The following KCNQ1OT1 variants were observed in gnomAD, a reference collection of about 807,000 sequenced individuals.
KCNQ1OT1 encodes KCNQ1 opposite strand/antisense transcript 1.
At position 2,653,840 on chromosome 11, in the gene KCNQ1OT1, C is replaced by T. The variant is rs950865898; in HGVS notation, n.46155G>A. 4.5e-5 allele frequency: 18 copies of T among 398,478 alleles called. No individual in the cohort carries two copies. The highest frequency in any genetic ancestry group is 6.6e-5 in the Non-Finnish European group (15 of 226,088). 24.7% of individuals were successfully genotyped at this position (398,478 alleles called of 1,614,324 possible). A position where few individuals can be genotyped will look rare whatever the true frequency, so the allele number is the denominator to read the frequency against. ...TCCACAGGGACCCCTTTGGGGATGG[C>T]CAGAGGGTACCTAAACACTGCACAC... On this transcript the variant is annotated non_coding_transcript_exon_variant, in exon 1 of 1. Transcript: ENST00000597346. This position sits in a 1 kb window ranked among gnomAD's most constrained non-coding sequence, Gnocchi z 5.3.
rs761262181 is a variant in KCNQ1OT1, at chr11:2,664,757, C to G, written n.35238G>C. 2.5e-6 allele frequency: 1 copy of G among 398,616 alleles called. No individual in the cohort carries two copies. The highest frequency in any genetic ancestry group is 4.4e-6 in the Non-Finnish European group (1 of 226,188). 24.7% of individuals were successfully genotyped at this position (398,616 alleles called of 1,614,324 possible). A position where few individuals can be genotyped will look rare whatever the true frequency, so the allele number is the denominator to read the frequency against. ...GAGGGACAGGGATGTGTGCTGGGGT[C>G]TCACAGGGGGCAGAGTGGGTGGGAG... On this transcript the variant is annotated non_coding_transcript_exon_variant, in exon 1 of 1. Transcript: ENST00000597346. The surrounding 1 kb of genome is among the most constrained non-coding windows in gnomAD (Gnocchi z 5.1).
chr11:2,668,150 G>C lies in KCNQ1OT1; in HGVS notation n.31845C>G. The C allele has an allele frequency of 2.5e-6, 1 of 398,636 alleles. No individual in the cohort carries two copies. 24.7% of individuals were successfully genotyped at this position (398,636 alleles called of 1,614,324 possible). ...GCCTCTCTATGGGGCTGAAGGGAGA[G>C]TGCTCCCTCATGCTCCTTGCTGACT... is the stretch of plus-strand genomic sequence containing the variant. On this transcript the variant is annotated non_coding_transcript_exon_variant, in exon 1 of 1. Coordinates refer to ENST00000597346, the Ensembl canonical transcript of KCNQ1OT1. The surrounding 1 kb of genome is among the most constrained non-coding windows in gnomAD (Gnocchi z 4.3).
chr11:2,633,918 A>G (rs755467052), exon 1 of KCNQ1OT1: 13 of 398,490 alleles, frequency 3.3e-5, no homozygotes, highest in Non-Finnish European at 5.3e-5. Flanking sequence ...ATTGCATTCT[A>G]TCCTTGTTAG....
exon 1 of KCNQ1OT1, chr11:2,688,817 A>T: frequency 2.5e-6 from 1 of 398,820 alleles, no homozygotes; most frequent in Middle Eastern, 6.3e-4. Flanking sequence ...CACCTGGCCC[A>T]TCCCACAAAG....
chr11:2,622,341 A>C (rs1849187982), exon 1 of KCNQ1OT1: 3 of 398,204 alleles, frequency 7.5e-6, no homozygotes, highest in Non-Finnish European at 1.3e-5. Context: ...ATTCAAGTTT[A>C]TTTCTTTTAT....
chr11:2,620,315 C>T lies in KCNQ1OT1; in HGVS notation n.79680G>A, dbSNP rs916819882. 9.8e-6 allele frequency: 2 copies of T among 204,628 alleles called. No homozygotes were observed. Among genetic ancestry groups the T allele is most frequent in the Non-Finnish European group, 9.5e-6 (1 of 105,054 alleles). The allele number at this position is 204,628 out of a possible 1,614,324, so 12.7% of individuals were successfully genotyped here. A position where few individuals can be genotyped will look rare whatever the true frequency, so the allele number is the denominator to read the frequency against. On this transcript the variant is annotated non_coding_transcript_exon_variant, in exon 1 of 1. Coordinates refer to ENST00000597346, the Ensembl canonical transcript of KCNQ1OT1. The surrounding 1 kb of genome is among the most constrained non-coding windows in gnomAD (Gnocchi z 4.5). ...CACTGCAGCCTCCGCCTACCGGGTT[C>T]AAGTGATTCTCCTGCCTCAGCCTCC...
Position 2,690,199 on chromosome 11 carries a change from C to T in KCNQ1OT1, n.9796G>A, listed in dbSNP as rs1474609439. 1 of 398,666 alleles carries T rather than the reference C, an allele frequency of 2.5e-6. No individual in the cohort carries two copies. Among genetic ancestry groups the T allele is most frequent in the Admixed American group, 4.4e-5 (1 of 22,728 alleles). The allele number at this position is 398,666 out of a possible 1,614,324, so 24.7% of individuals were successfully genotyped here. On this transcript the variant is annotated non_coding_transcript_exon_variant, in exon 1 of 1. Coordinates refer to ENST00000597346, the Ensembl canonical transcript of KCNQ1OT1. This position sits in a 1 kb window ranked among gnomAD's most constrained non-coding sequence, Gnocchi z 5.1. ...TGGTCTCTCCAGAGACTGGGCTAAA[C>T]TCTGCTGTGTCAAGTGCCTGGTGAC... is the stretch of plus-strand genomic sequence containing the variant.
At chr11:2,696,793 T>C in exon 1 of KCNQ1OT1, 1 of 398,622 alleles carries the variant, frequency 2.5e-6, no homozygotes, top group Non-Finnish European at 4.4e-6. Context: ...CCTAGACTGG[T>C]ATAAATTTTG....
chr11:2,624,458 TG>T lies in KCNQ1OT1; in HGVS notation n.75536del. 1 of 398,510 alleles carries T rather than the reference TG, an allele frequency of 2.5e-6. No individual in the cohort carries two copies. The highest frequency in any genetic ancestry group is 4.4e-6 in the Non-Finnish European group (1 of 226,026). 24.7% of individuals were successfully genotyped at this position (398,510 alleles called of 1,614,324 possible). A position where few individuals can be genotyped will look rare whatever the true frequency, so the allele number is the denominator to read the frequency against. On this transcript the variant is annotated non_coding_transcript_exon_variant, in exon 1 of 1. Transcript: ENST00000597346. The surrounding 1 kb of genome is among the most constrained non-coding windows in gnomAD (Gnocchi z 4.9). ...TATCAATTATTTCTTTCATGAATCA[TG>T]CCTTTGGTGTCATATCTAAAAAGCC...
exon 1 of KCNQ1OT1, chr11:2,666,968 G>C: frequency 2.5e-6 from 1 of 398,722 alleles, no homozygotes; most frequent in Non-Finnish European, 4.4e-6. Flanking sequence ...AAGCCCTCTG[G>C]GGGCCCGCCC....
Position 2,623,891 on chromosome 11 carries a change from G to T in KCNQ1OT1, n.76104C>A, listed in dbSNP as rs1219149807. 2.5e-6 allele frequency: 1 copy of T among 398,514 alleles called. No individual in the cohort carries two copies. Among genetic ancestry groups the T allele is most frequent in the Non-Finnish European group, 4.4e-6 (1 of 226,070 alleles). 24.7% of individuals were successfully genotyped at this position (398,514 alleles called of 1,614,324 possible). A position where few individuals can be genotyped will look rare whatever the true frequency, so the allele number is the denominator to read the frequency against. On this transcript the variant is annotated non_coding_transcript_exon_variant, in exon 1 of 1. Coordinates refer to ENST00000597346, the Ensembl canonical transcript of KCNQ1OT1. This position sits in a 1 kb window ranked among gnomAD's most constrained non-coding sequence, Gnocchi z 5.2. Reference sequence around the variant, plus strand: ...TTCGGGGGATATGTATACACATTCAGAAGTGGAATTGATGGATCCTATGAT... The same window carrying T: ...TTCGGGGGATATGTATACACATTCATAAGTGGAATTGATGGATCCTATGAT...
rs746216872 is a variant in KCNQ1OT1 at position 2,611,587 on chromosome 11, C to G, written n.88408G>C. The G allele has an allele frequency of 4.3e-5, 17 of 398,458 alleles. No individual in the cohort carries two copies. Among genetic ancestry groups the G allele is most frequent in the Non-Finnish European group, 5.8e-5 (13 of 226,054 alleles). 24.7% of individuals were successfully genotyped at this position (398,458 alleles called of 1,614,324 possible). A position where few individuals can be genotyped will look rare whatever the true frequency, so the allele number is the denominator to read the frequency against. On this transcript the variant is annotated non_coding_transcript_exon_variant, in exon 1 of 1. Coordinates refer to ENST00000597346, the Ensembl canonical transcript of KCNQ1OT1. This position sits in a 1 kb window ranked among gnomAD's most constrained non-coding sequence, Gnocchi z 5.3. Reference sequence around the variant, plus strand: ...CATGTCATCTTTTTCCATCATTTTACTTTCAACTATGTCTTTGAATCTAGA... The same window carrying G: ...CATGTCATCTTTTTCCATCATTTTAGTTTCAACTATGTCTTTGAATCTAGA...
Position 2,627,614 on chromosome 11 carries a change from C to G in KCNQ1OT1, n.72381G>C. 2.5e-6 allele frequency: 1 copy of G among 398,434 alleles called. No homozygotes were observed. Among genetic ancestry groups the G allele is most frequent in the Non-Finnish European group, 4.4e-6 (1 of 226,068 alleles). The allele number at this position is 398,434 out of a possible 1,614,324, so 24.7% of individuals were successfully genotyped here. ...TATCCTCCAGGTTCATCTATGTTGT[C>G]ATAAATTGCATGATTTCCTGCTTTT... On this transcript the variant is annotated non_coding_transcript_exon_variant, in exon 1 of 1. Coordinates refer to ENST00000597346, the Ensembl canonical transcript of KCNQ1OT1. The surrounding 1 kb of genome is among the most constrained non-coding windows in gnomAD (Gnocchi z 4.9).
Position 2,687,842 on chromosome 11 carries a change from T to C in KCNQ1OT1, n.12153A>G, listed in dbSNP as rs1850517555. 1 of 398,580 alleles carries C rather than the reference T, an allele frequency of 2.5e-6. No individual in the cohort carries two copies. The highest frequency in any genetic ancestry group is 1.3e-4 in the South Asian group (1 of 7,864). The allele number at this position is 398,580 out of a possible 1,614,324, so 24.7% of individuals were successfully genotyped here. ...CCCCAACTGGCTCCAGGCCAAACTC[T>C]GGTTCCTGAGGAGCCTCAAAGGCTG... On this transcript the variant is annotated non_coding_transcript_exon_variant, in exon 1 of 1. Transcript: ENST00000597346. The surrounding 1 kb of genome is among the most constrained non-coding windows in gnomAD (Gnocchi z 5.0).
rs1849142979 is a variant in KCNQ1OT1 at position 2,620,202 on chromosome 11, T to G, written n.79793A>C. The G allele has an allele frequency of 3.2e-6, 1 of 313,628 alleles. No individual in the cohort carries two copies. The highest frequency in any genetic ancestry group is 2.6e-5 in the African/African-American group (1 of 38,350). The allele number at this position is 313,628 out of a possible 1,614,324, so 19.4% of individuals were successfully genotyped here. A position where few individuals can be genotyped will look rare whatever the true frequency, so the allele number is the denominator to read the frequency against. Reference sequence around the variant, plus strand: ...CAAAGGACGTAAGTTCATTCATGTATATATATATATTTTTTTTTTTTATTT... The same window carrying G: ...CAAAGGACGTAAGTTCATTCATGTAGATATATATATTTTTTTTTTTTATTT... On this transcript the variant is annotated non_coding_transcript_exon_variant, in exon 1 of 1. Coordinates refer to ENST00000597346, the Ensembl canonical transcript of KCNQ1OT1. This position sits in a 1 kb window ranked among gnomAD's most constrained non-coding sequence, Gnocchi z 4.5.
chr11:2,665,131 C>T (rs952905611), exon 1 of KCNQ1OT1: 1 of 398,536 alleles, frequency 2.5e-6, no homozygotes, highest in Non-Finnish European at 4.4e-6. Flanking sequence ...TATAGGTGGG[C>T]CCTACTGCTC....
Position 2,617,656 on chromosome 11 carries a change from T to C in KCNQ1OT1, n.82339A>G, listed in dbSNP as rs976172380. The C allele has an allele frequency of 5.0e-6, 2 of 398,338 alleles. No homozygotes were observed. The highest frequency in any genetic ancestry group is 8.9e-6 in the Non-Finnish European group (2 of 225,956). 24.7% of individuals were successfully genotyped at this position (398,338 alleles called of 1,614,324 possible). ...CCACCATTCTGTTTTTCATTATGACTGCACCAATCTACAGTCCCACCAACA... is the reference window on the plus strand; with the variant it reads ...CCACCATTCTGTTTTTCATTATGACCGCACCAATCTACAGTCCCACCAACA... On this transcript the variant is annotated non_coding_transcript_exon_variant, in exon 1 of 1. Transcript: ENST00000597346. This position sits in a 1 kb window ranked among gnomAD's most constrained non-coding sequence, Gnocchi z 4.6.
In KCNQ1OT1 at chr11:2,647,430, C is replaced by T. The variant is rs2133837809; in HGVS notation, n.52565G>A. 1 of 398,484 alleles carries T rather than the reference C, an allele frequency of 2.5e-6. No individual in the cohort carries two copies. Among genetic ancestry groups the T allele is most frequent in the East Asian group, 3.6e-5 (1 of 28,052 alleles). The allele number at this position is 398,484 out of a possible 1,614,324, so 24.7% of individuals were successfully genotyped here. On this transcript the variant is annotated non_coding_transcript_exon_variant, in exon 1 of 1. Coordinates refer to ENST00000597346, the Ensembl canonical transcript of KCNQ1OT1. This position sits in a 1 kb window ranked among gnomAD's most constrained non-coding sequence, Gnocchi z 4.0. ...TTTCTGAGGATTCTGCATCTATGTT[C>T]ATCAGGGAGATTGGCCTGTAGTTTT...
chr11:2,693,712 C>T (rs750709916), exon 1 of KCNQ1OT1: 2 of 398,590 alleles, frequency 5.0e-6, no homozygotes, highest in Non-Finnish European at 8.8e-6. Flanking sequence ...ATGGGCCTTC[C>T]TGGCTGGTGT....
Sources: allele counts gnomAD v4.1 joint callset, GRCh38; gene constraint gnomAD v4.1.1; non-coding constraint Gnocchi (gnomAD v3.1); transcripts MANE v1.5; gene names NCBI Gene and HGNC (gene_info 2026-07-23, HGNC 2026-07-21).